The following EXOC6 variants were observed in gnomAD, a reference collection of about 807,000 sequenced individuals.
The protein encoded by EXOC6 is exocyst complex component 6.
A neutral mutation model predicts 112.5 loss-of-function variants in EXOC6; 60 were observed. The observed-to-expected ratio is 0.53, with a 90% CI of 0.43 to 0.66. EXOC6 has a LOEUF of 0.66. Among genes scored for constraint, EXOC6 ranks in the 30% least tolerant of loss-of-function variants. The probability of loss-of-function intolerance (pLI) is 0.00; values close to 1 mark genes in which losing one functional copy is unlikely to be tolerated. For synonymous variants in EXOC6, 295 were observed against 308.0 expected (o/e 0.96, Z 0.44); for missense variants, 855 against 957.1 (o/e 0.89, Z 1.41).
chr10:92,932,585 T>C (rs1852105463), intron 9 of EXOC6, among the ~76,000 whole-genome samples: 1 of 152,094 alleles, frequency 6.6e-6, no homozygotes, highest in Admixed American at 6.5e-5. Flanking sequence ...AACTTAGGAT[T>C]CTATATCCAG....
At chr10:92,977,307 C>T (rs1842661838) in intron 18 of EXOC6, among the ~76,000 whole-genome samples, 1 of 151,980 alleles carries the variant, frequency 6.6e-6, no homozygotes, top group Admixed American at 6.6e-5. Context: ...TTTACTCTTT[C>T]TCCATCAGAA....
chr10:92,940,703 C>CTTTTTTTTTT (rs201561143), intron 12 of EXOC6, 24 bp from the exon 13 acceptor site: 6 of 1,230,952 alleles, frequency 4.9e-6, no homozygotes, highest in East Asian at 2.6e-5. Flanking sequence ...TGTTTATCTG[C>CTTTTTTTTTT]TTTTTTTTTT....
At chr10:92,936,407 T>C (rs943113933) in intron 12 of EXOC6, among the ~76,000 whole-genome samples, 1 of 152,262 alleles carries the variant, frequency 6.6e-6, no homozygotes, top group African/African-American at 2.4e-5. Flanking sequence ...ATTTGAAAAC[T>C]GTATGTTCAT....
chr10:92,885,917 G>A (rs1317576693), intron 1 of EXOC6, among the ~76,000 whole-genome samples: 2 of 151,854 alleles, frequency 1.3e-5, no homozygotes, highest in African/African-American at 4.8e-5. Context: ...ACTCTTATTG[G>A]ATGTGGGAGA....
At chr10:92,971,075 G>A (rs541678122) in intron 17 of EXOC6, among the ~76,000 whole-genome samples, 62 of 151,990 alleles carry the variant, frequency 4.1e-4, no homozygotes, top group African/African-American at 7.2e-4. Context: ...TTTTTGAGAC[G>A]GAGTCTCGCT....
At chr10:92,877,824 T>G (rs576874652) in intron 1 of EXOC6, among the ~76,000 whole-genome samples, 1 of 152,304 alleles carries the variant, frequency 6.6e-6, no homozygotes, top group East Asian at 1.9e-4. Context: ...ATATTACATA[T>G]TTAGTTTTAA....
chr10:93,058,766 C>T lies in EXOC6; in HGVS notation c.*411C>T, dbSNP rs1846658324. On this transcript the variant is annotated 3_prime_UTR_variant, in exon 22 of 22. Coordinates refer to ENST00000260762, the MANE Select transcript of EXOC6 (RefSeq NM_019053.6). ...TCATGTCTGATATGGTAGTATTTCA[C>T]TACCATTTTCTGACTTTTAGCTTTT... 6.6e-6 allele frequency: 1 copy of T among 152,498 alleles called. No homozygotes were observed. The highest frequency in any genetic ancestry group is 2.4e-5 in the African/African-American group (1 of 41,434). 9.4% of individuals were successfully genotyped at this position (152,498 alleles called of 1,614,324 possible). A position where few individuals can be genotyped will look rare whatever the true frequency, so the allele number is the denominator to read the frequency against.
intron 12 of EXOC6, among the ~76,000 whole-genome samples, chr10:92,936,564 C>T (rs1267018076): frequency 6.6e-6 from 1 of 152,096 alleles, no homozygotes; most frequent in Non-Finnish European, 1.5e-5. Context: ...CACTGCGCTC[C>T]CCTGGGCAAC....
chr10:92,991,804 C>G (rs780061966), intron 18 of EXOC6, among the ~76,000 whole-genome samples: 3 of 151,838 alleles, frequency 2.0e-5, no homozygotes, highest in South Asian at 2.1e-4. Context: ...GTCTCATACC[C>G]TTATGATTGG....
At chr10:92,952,195 T>C in intron 14 of EXOC6, 78 bp from the exon 15 acceptor site, 1 of 849,990 alleles carries the variant, frequency 1.2e-6, no homozygotes, top group Non-Finnish European at 1.9e-6. Flanking sequence ...GTGAAATCAA[T>C]TTAATTTTAC....
At chr10:92,941,242 T>C (rs1174817711) in intron 13 of EXOC6, among the ~76,000 whole-genome samples, 1 of 152,228 alleles carries the variant, frequency 6.6e-6, no homozygotes, top group Non-Finnish European at 1.5e-5. Context: ...ATCCATATTG[T>C]AGCATGTCAG....
At chr10:92,894,769 A>C in intron 2 of EXOC6, 25 bp from the exon 3 acceptor site, 2 of 1,609,562 alleles carry the variant, frequency 1.2e-6, no homozygotes, top group Non-Finnish European at 1.7e-6. Flanking sequence ...TATTTGTCTA[A>C]CTAAGGTGAA....
In EXOC6 at chr10:92,974,046, A is replaced by T. The variant is rs770386560; in HGVS notation, c.1774-7A>T. 6.3e-7 allele frequency: 1 copy of T among 1,579,920 alleles called. No homozygotes were observed. Among genetic ancestry groups the T allele is most frequent in the East Asian group, 2.3e-5 (1 of 43,790 alleles). ...CTTGTCTTTGTTGTTATTTTGTCCC[A>T]TGTCAGGATGCTCGACATGCAGCAG... is the stretch of plus-strand genomic sequence containing the variant. On this transcript the variant is annotated splice_region_variant and splice_polypyrimidine_tract_variant and intron_variant, in intron 17 of 21. Transcript: ENST00000260762.
At position 92,974,222 on chromosome 10, in the gene EXOC6, C is replaced by G; in HGVS notation, c.1943C>G (p.Thr648Ser). The change falls in exon 18 of 22, where the codon ACT becomes AGT. Residue 648 changes from threonine to serine, a missense_variant. Around this residue, in one of 2 missense-constraint regions of EXOC6, gnomAD observed 450 missense variants for 563.5 expected, o/e 0.80. Coordinates refer to ENST00000260762, the MANE Select transcript of EXOC6 (RefSeq NM_019053.6). ...NFLRSIFQVFTHLPGKVAQTA... is the reference protein window; with the variant it reads ...NFLRSIFQVFSHLPGKVAQTA... The stretch of plus-strand genomic sequence containing the variant: ...TTGAGAAGCATCTTTCAAGTGTTTA[C>G]TCATTTGCCTGTAAGTATAAAAATT... 1 of 1,553,138 alleles carries G rather than the reference C, an allele frequency of 6.4e-7. No individual in the cohort carries two copies. Among genetic ancestry groups the G allele is most frequent in the Non-Finnish European group, 8.6e-7 (1 of 1,160,916 alleles).
chr10:92,904,012 GT>G (rs1362796585), intron 5 of EXOC6, among the ~76,000 whole-genome samples: 2 of 151,896 alleles, frequency 1.3e-5, no homozygotes, highest in Non-Finnish European at 2.9e-5. Flanking sequence ...TGTTTCTATA[GT>G]TTTATCTTTT....
intron 8 of EXOC6, 63 bp from the exon 9 acceptor site, chr10:92,928,276 T>C: frequency 2.5e-6 from 2 of 805,600 alleles, no homozygotes; most frequent in South Asian, 1.7e-5. Context: ...GGTAAAGAAG[T>C]ATCTGTTTTA....
chr10:92,895,458 T>C (rs1474962343), intron 4 of EXOC6, among the ~76,000 whole-genome samples: 1 of 152,192 alleles, frequency 6.6e-6, no homozygotes, highest in Admixed American at 6.6e-5. Flanking sequence ...AATCTCATTG[T>C]GCTGATAAGG....
intron 18 of EXOC6, among the ~76,000 whole-genome samples, 171 bp from the exon 19 acceptor site, chr10:92,997,303 A>G (rs1012191339): frequency 3.3e-5 from 5 of 152,210 alleles, no homozygotes; most frequent in African/African-American, 1.2e-4. Context: ...GTTAATTTCT[A>G]TGATATAAAG....
chr10:92,941,431 C>T (rs1340282286), intron 13 of EXOC6, among the ~76,000 whole-genome samples: 5 of 152,132 alleles, frequency 3.3e-5, no homozygotes, highest in Admixed American at 3.3e-4. Flanking sequence ...GCTTTCAAAT[C>T]TTTTGGGTTT....
Sources: allele counts gnomAD v4.1 joint callset (sites outside exome capture counted in the v4.1 genomes callset), GRCh38; gene constraint gnomAD v4.1.1; regional missense constraint gnomAD v4.1.1; transcripts MANE v1.5; gene names NCBI Gene and HGNC (gene_info 2026-07-23, HGNC 2026-07-21).